Variants in GRM7 observed in about 807,000 individuals in gnomAD.
The protein encoded by GRM7 is metabotropic glutamate receptor 7.
A neutral mutation model predicts 84.5 loss-of-function variants in GRM7; 35 were observed. That is an observed-to-expected ratio of 0.41 (90% confidence interval 0.32 to 0.55). GRM7 has a LOEUF of 0.55. Among genes scored for constraint, GRM7 ranks in the 20% least tolerant of loss-of-function variants. The probability of loss-of-function intolerance (pLI) is 0.19; values close to 1 mark genes in which losing one functional copy is unlikely to be tolerated. For missense variants in GRM7, 1,003 were observed against 1,194.6 expected (o/e 0.84, Z 2.36); for synonymous variants, 487 against 455.1 (o/e 1.07, Z -0.89).
intron 1 of GRM7, among the ~76,000 whole-genome samples, chr3:7,037,922 A>G (rs1696439937): frequency 6.6e-6 from 1 of 152,220 alleles, no homozygotes; most frequent in African/African-American, 2.4e-5. Flanking sequence ...ATGGAAATGT[A>G]TTCTAAACAT....
At chr3:7,125,957 C>G (rs1693385017) in intron 1 of GRM7, among the ~76,000 whole-genome samples, 2 of 152,212 alleles carry the variant, frequency 1.3e-5, no homozygotes, top group African/African-American at 4.8e-5. Flanking sequence ...TGAAAATTGA[C>G]AACTGAATTG....
At chr3:7,437,818 A>G (rs977797309) in intron 5 of GRM7, among the ~76,000 whole-genome samples, 68 of 152,278 alleles carry the variant, frequency 4.5e-4, no homozygotes, top group African/African-American at 1.4e-3. Context: ...AGGGGCAAGT[A>G]GGGAAATTGT....
intron 1 of GRM7, among the ~76,000 whole-genome samples, chr3:6,995,234 A>G (rs1406451586): frequency 6.6e-6 from 1 of 152,238 alleles, no homozygotes; most frequent in Non-Finnish European, 1.5e-5. Flanking sequence ...TGTAAAAGGC[A>G]GGATATTAAA....
chr3:6,911,052 G>A (rs17046322), intron 1 of GRM7, among the ~76,000 whole-genome samples: 12,585 of 152,126 alleles, frequency 0.083, 812 homozygotes, highest in East Asian at 0.2. Context: ...CAAGACATGA[G>A]CAATTAACTT....
At chr3:7,059,321 C>A (rs1463992316) in intron 1 of GRM7, among the ~76,000 whole-genome samples, 1 of 151,680 alleles carries the variant, frequency 6.6e-6, no homozygotes, top group African/African-American at 2.4e-5. Flanking sequence ...TCTAAAGAGC[C>A]ACTTTTTACT....
At chr3:6,931,689 T>C (rs1302919081) in intron 1 of GRM7, among the ~76,000 whole-genome samples, 1 of 152,216 alleles carries the variant, frequency 6.6e-6, no homozygotes, top group Non-Finnish European at 1.5e-5. Flanking sequence ...TTATATAAAT[T>C]TGTAATTATT....
intron 4 of GRM7, among the ~76,000 whole-genome samples, chr3:7,374,743 G>A (rs1342842775): frequency 2.7e-5 from 4 of 150,580 alleles, no homozygotes; most frequent in South Asian, 2.1e-4. Flanking sequence ...CGCCTGCCTC[G>A]GCCTCCCAAA....
At chr3:7,382,005 C>T (rs1241331131) in intron 4 of GRM7, among the ~76,000 whole-genome samples, 1 of 152,004 alleles carries the variant, frequency 6.6e-6, no homozygotes, top group Non-Finnish European at 1.5e-5. Context: ...ATTTAAAGTC[C>T]ATGACCCAAA....
intron 1 of GRM7, among the ~76,000 whole-genome samples, chr3:6,867,229 A>C (rs546597741): frequency 6.6e-6 from 1 of 152,204 alleles, no homozygotes; most frequent in Admixed American, 6.5e-5. Flanking sequence ...GCATTAATGT[A>C]AGGTTCACTA....
At chr3:7,504,727 T>A (rs1355214109) in intron 7 of GRM7, among the ~76,000 whole-genome samples, 1 of 152,224 alleles carries the variant, frequency 6.6e-6, no homozygotes, top group Non-Finnish European at 1.5e-5. Context: ...CCTCATTAAT[T>A]CATTAATTTA....
chr3:7,057,038 G>A lies in GRM7; in HGVS notation c.520-89414G>A, dbSNP rs181244792. Among the ~76,000 whole-genome samples the A allele has an allele frequency of 7.4e-4, 112 of 152,046 alleles. No individual in the cohort carries two copies. The Middle Eastern group carries it at 0.017, about 23-fold the overall frequency. On this transcript the variant is annotated intron_variant, in intron 1 of 9. Transcript: ENST00000357716. ...TTGTAGGGGAAGTCTGTATATGTATGTGGTGTGAATTAATGCAAATATTGG... is the reference window on the plus strand; with the variant it reads ...TTGTAGGGGAAGTCTGTATATGTATATGGTGTGAATTAATGCAAATATTGG...
chr3:7,221,804 ATTT>A (rs540956206), intron 2 of GRM7, among the ~76,000 whole-genome samples: 19 of 97,354 alleles, frequency 2.0e-4, no homozygotes, highest in African/African-American at 6.5e-4. Context: ...AATTTCTTGT[ATTT>A]TTTTTTTTTT....
chr3:7,281,437 AT>A, intron 2 of GRM7, among the ~76,000 whole-genome samples: 1 of 152,166 alleles, frequency 6.6e-6, no homozygotes, highest in African/African-American at 2.4e-5. Context: ...TAAATTGTGA[AT>A]TTTCCTTCTA....
intron 1 of GRM7, among the ~76,000 whole-genome samples, chr3:7,049,018 T>C (rs1696897683): frequency 6.6e-6 from 1 of 151,982 alleles, no homozygotes; most frequent in Non-Finnish European, 1.5e-5. Context: ...TAGTGTTATT[T>C]ATCATCCAGA....
intron 1 of GRM7, among the ~76,000 whole-genome samples, chr3:7,121,415 T>C (rs1693216620): frequency 6.6e-6 from 1 of 152,142 alleles, no homozygotes; most frequent in Non-Finnish European, 1.5e-5. Context: ...GTGTTTATGG[T>C]ACTTTACATG....
chr3:7,464,125 G>A (rs1283089476), intron 7 of GRM7, among the ~76,000 whole-genome samples: 3 of 152,296 alleles, frequency 2.0e-5, no homozygotes, highest in Admixed American at 2.0e-4. Flanking sequence ...AGAAGAACTA[G>A]AGGTGCGGGA....
At chr3:7,273,168 G>A (rs1698929674) in intron 2 of GRM7, among the ~76,000 whole-genome samples, 1 of 151,996 alleles carries the variant, frequency 6.6e-6, no homozygotes, top group Non-Finnish European at 1.5e-5. Context: ...CTATTTTTCT[G>A]TTATTGATTT....
intron 2 of GRM7, among the ~76,000 whole-genome samples, chr3:7,275,508 T>C (rs1254955425): frequency 6.6e-6 from 1 of 152,160 alleles, no homozygotes; most frequent in Admixed American, 6.6e-5. Flanking sequence ...GTGAACTTCA[T>C]GCATACCTCT....
intron 2 of GRM7, among the ~76,000 whole-genome samples, chr3:7,275,241 C>T (rs9833636): frequency 7.2e-5 from 11 of 152,050 alleles, no homozygotes; most frequent in Admixed American, 2.0e-4. Flanking sequence ...GTTTTAAATA[C>T]GTGCTTCAAT....
Sources: gnomAD v4.1 joint callset for allele counts (sites outside exome capture counted in the v4.1 genomes callset) on GRCh38, gnomAD v4.1.1 for gene constraint, MANE v1.5 for transcripts, NCBI Gene and HGNC (gene_info 2026-07-23, HGNC 2026-07-21) for gene names.